Variants in LRGUK observed in about 807,000 individuals in gnomAD.
The protein encoded by LRGUK is leucine-rich repeat and guanylate kinase domain-containing protein.
LRGUK carries 65 observed loss-of-function variants against 76.0 expected under a neutral mutation model. That is an observed-to-expected ratio of 0.85 (90% CI 0.70 to 1.05). The LOEUF (loss-of-function observed/expected upper bound fraction) is 1.05. Ranked by LOEUF, LRGUK falls within the 50% of genes least tolerant of loss-of-function variation. The probability of loss-of-function intolerance (pLI) is 0.00; values close to 1 mark genes in which losing one functional copy is unlikely to be tolerated. For missense variants in LRGUK, 758 were observed against 732.8 expected (o/e 1.03, Z -0.40); for synonymous variants, 268 against 265.6 (o/e 1.01, Z -0.09).
chr7:134,163,380 A>T lies in LRGUK; in HGVS notation c.796-17A>T, dbSNP rs1798833929. On this transcript the variant is annotated splice_polypyrimidine_tract_variant and intron_variant, in intron 6 of 15. Coordinates refer to ENST00000645682, the Ensembl canonical transcript of LRGUK. ...GAGAGGTCTTTGAGACATTAAATATATTTTTTTCTGTTTTAGAGCAATAAC... is the reference window on the plus strand; with the variant it reads ...GAGAGGTCTTTGAGACATTAAATATTTTTTTTTCTGTTTTAGAGCAATAAC... 6.3e-7 allele frequency: 1 copy of T among 1,594,098 alleles called. No homozygotes were observed. The highest frequency in any genetic ancestry group is 8.6e-7 in the Non-Finnish European group (1 of 1,169,404).
intron 15 of LRGUK, among the ~76,000 whole-genome samples, chr7:134,205,713 A>AG (rs1408859646): frequency 8.3e-4 from 127 of 152,352 alleles, no homozygotes; most frequent in African/African-American, 2.8e-3. Context: ...AATCTAACCA[A>AG]TAACCATTAA....
chr7:134,152,570 A>G (rs1389389480), intron 5 of LRGUK, among the ~76,000 whole-genome samples: 1 of 152,110 alleles, frequency 6.6e-6, no homozygotes, highest in Non-Finnish European at 1.5e-5. Flanking sequence ...GACAAAATTT[A>G]AGAAATCTAA....
At chr7:134,219,556 AT>A (rs1801521436) in intron 15 of LRGUK, among the ~76,000 whole-genome samples, 1 of 152,208 alleles carries the variant, frequency 6.6e-6, no homozygotes, top group African/African-American at 2.4e-5. Flanking sequence ...GTTTCTTTAA[AT>A]TTTATCTTAT....
At position 134,191,570 on chromosome 7, in the gene LRGUK, T is replaced by G. The variant is rs1800248102; in HGVS notation, c.1335-85T>G. The G allele has an allele frequency of 3.0e-5, 28 of 940,850 alleles. 1 individual carries two copies. In the South Asian group the frequency reaches 3.9e-4, roughly 13 times the overall value. The allele number at this position is 940,850 out of a possible 1,614,324, so 58.3% of individuals were successfully genotyped here. Reference sequence around the variant, plus strand: ...TTATGATTTGTGGATTAACTTCATTTTTTAAAACATAATTTATATTGAAAC... The same window carrying G: ...TTATGATTTGTGGATTAACTTCATTGTTTAAAACATAATTTATATTGAAAC... On this transcript the variant is annotated intron_variant, in intron 11 of 15. Coordinates refer to ENST00000645682, the Ensembl canonical transcript of LRGUK.
chr7:134,190,295 C>T (rs2117045552), intron 11 of LRGUK, among the ~76,000 whole-genome samples: 1 of 152,308 alleles, frequency 6.6e-6, no homozygotes, highest in South Asian at 2.1e-4. Context: ...CAGCCTCAAA[C>T]TCCTGGGCTC....
At chr7:134,135,570 A>G (rs542566253) in intron 1 of LRGUK, among the ~76,000 whole-genome samples, 52 of 152,350 alleles carry the variant, frequency 3.4e-4, no homozygotes, top group African/African-American at 1.2e-3. Context: ...GAAAACTACC[A>G]GGCTCAGTGA....
intron 8 of LRGUK, 137 bp downstream of exon 8, chr7:134,174,773 C>T: frequency 1.6e-6 from 1 of 636,686 alleles, no homozygotes; most frequent in East Asian, 2.7e-5. Flanking sequence ...TATCTTCCTT[C>T]TTTCTAAGGA....
chr7:134,270,701 T>C, the LRGUK span, among the ~76,000 whole-genome samples: 2 of 152,142 alleles, frequency 1.3e-5, no homozygotes, highest in Non-Finnish European at 2.9e-5. Context: ...ATAGTTTTTA[T>C]TATTGCAGTT....
At chr7:134,158,240 T>C (rs1798568727) in intron 6 of LRGUK, 81 bp downstream of exon 6, 4 of 1,246,788 alleles carry the variant, frequency 3.2e-6, no homozygotes, top group Admixed American at 2.2e-5. Flanking sequence ...CTACTTAGGA[T>C]TCAAATATAT....
At chr7:134,231,303 A>T (rs1340236875) in intron 16 of LRGUK, among the ~76,000 whole-genome samples, 1 of 152,184 alleles carries the variant, frequency 6.6e-6, no homozygotes, top group Non-Finnish European at 1.5e-5. Context: ...GTGGTCTGTG[A>T]TAGTTTATTG....
At chr7:134,139,582 A>G (rs1478216549) in intron 3 of LRGUK, 65 bp downstream of exon 3, 1 of 956,370 alleles carries the variant, frequency 1.0e-6, no homozygotes, top group Non-Finnish European at 1.6e-6. Flanking sequence ...GCAGTATGTA[A>G]TATGGTTTAA....
At chr7:134,244,792 T>C (rs1585596204) in intron 16 of LRGUK, among the ~76,000 whole-genome samples, 1 of 152,104 alleles carries the variant, frequency 6.6e-6, no homozygotes, top group Non-Finnish European at 1.5e-5. Context: ...AGCAAAGACT[T>C]GGAACCAACC....
At chr7:134,230,150 C>T (rs761637279) in intron 16 of LRGUK, among the ~76,000 whole-genome samples, 9 of 151,714 alleles carry the variant, frequency 5.9e-5, no homozygotes, top group African/African-American at 1.7e-4. Flanking sequence ...AAAGTGTATC[C>T]GAAATATATA....
At position 134,127,680 on chromosome 7, in the gene LRGUK, C is replaced by G. The variant is rs180674918; in HGVS notation, c.297+16C>G. 36 of 1,604,120 alleles carry G rather than the reference C, an allele frequency of 2.2e-5. No homozygotes were observed. Among genetic ancestry groups the G allele is most frequent in the East Asian group, 4.5e-5 (2 of 44,700 alleles). On this transcript the variant is annotated intron_variant, in intron 1 of 15. Coordinates refer to ENST00000645682, the Ensembl canonical transcript of LRGUK. The stretch of plus-strand genomic sequence containing the variant: ...GAATTTGGAGGTGTGTCTTCCCCCC[C>G]ACCCCGTACTCCCTGGCTCCCTCGT...
chr7:134,218,515 AATAG>A (rs1464021364), intron 15 of LRGUK, among the ~76,000 whole-genome samples: 1 of 152,206 alleles, frequency 6.6e-6, no homozygotes, highest in Admixed American at 6.5e-5. Flanking sequence ...TTGTCATTAA[AATAG>A]AGATTTTTGT....
At chr7:134,256,966 TA>T (rs1802600276) in intron 18 of LRGUK, among the ~76,000 whole-genome samples, 1 of 152,084 alleles carries the variant, frequency 6.6e-6, no homozygotes, top group South Asian at 2.1e-4. Context: ...GTTAAGAGTG[TA>T]AACAATCTTT....
At chr7:134,183,623 T>A in intron 10 of LRGUK, 111 bp from the exon 11 acceptor site, 1 of 1,152,048 alleles carries the variant, frequency 8.7e-7, no homozygotes. Context: ...CTACGCAGGG[T>A]CTTATATAGC....
At chr7:134,176,449 G>A (rs1274711261) in intron 8 of LRGUK, among the ~76,000 whole-genome samples, 1 of 151,924 alleles carries the variant, frequency 6.6e-6, no homozygotes, top group Non-Finnish European at 1.5e-5. Flanking sequence ...GCGCGATCTC[G>A]GCTCACTGCA....
chr7:134,223,956 G>T lies in LRGUK; in HGVS notation c.1983+2038G>T, dbSNP rs113918213. 2.6e-3 allele frequency among the ~76,000 whole-genome samples: 389 copies of T among 152,160 alleles called. 1 individual carries two copies. Among genetic ancestry groups the T allele is most frequent in the South Asian group, 9.3e-3 (45 of 4,814 alleles). On this transcript the variant is annotated intron_variant, in intron 16 of 19. Coordinates refer to the LRGUK transcript ENST00000285928. ...GTTTTTTTCTTATACCTACCCCTGA[G>T]ATCTTGCTATACCTGGGGTAATGGG...
Sources: allele counts gnomAD v4.1 joint callset (sites outside exome capture counted in the v4.1 genomes callset), GRCh38; gene constraint gnomAD v4.1.1; transcripts MANE v1.5; gene names NCBI Gene and HGNC (gene_info 2026-07-23, HGNC 2026-07-21).